DRC1: variants seen among roughly 807,000 people sequenced by gnomAD.
DRC1 encodes dynein regulatory complex subunit 1.
A neutral mutation model predicts 98.7 loss-of-function variants in DRC1; 74 were observed. That is an observed-to-expected ratio of 0.75 (90% CI 0.62 to 0.91). The LOEUF (loss-of-function observed/expected upper bound fraction) is 0.91. Among genes scored for constraint, DRC1 ranks in the 40% least tolerant of loss-of-function variants. The pLI, the probability that DRC1 is intolerant of heterozygous loss-of-function variation, is 0.00. For missense variants in DRC1, 875 were observed against 886.0 expected, an observed-to-expected ratio of 0.99 and a Z score of 0.16; for synonymous variants, 336 against 334.1, an observed-to-expected ratio of 1.01 and a Z score of -0.06.
At chr2:26,429,799 T>G in intron 5 of DRC1, 34 bp downstream of exon 5, 1 of 1,611,472 alleles carries the variant, frequency 6.2e-7, no homozygotes, top group Non-Finnish European at 8.5e-7. Flanking sequence ...GTTTCTGCTC[T>G]TGGAGGGCCC....
intron 1 of DRC1, among the ~76,000 whole-genome samples, chr2:26,410,830 C>CAA (rs1055657910): frequency 2.0e-5 from 3 of 151,740 alleles, no homozygotes; most frequent in African/African-American, 7.3e-5. Flanking sequence ...CAAAACACAA[C>CAA]AAAACAAAAC....
At chr2:26,417,735 A>T (rs1678857594) in intron 2 of DRC1, among the ~76,000 whole-genome samples, 1 of 152,126 alleles carries the variant, frequency 6.6e-6, no homozygotes, top group Admixed American at 6.6e-5. Flanking sequence ...AATCCATGGG[A>T]GGTATTCTTT....
At chr2:26,418,182 G>A (rs1252691304) in intron 2 of DRC1, among the ~76,000 whole-genome samples, 5 of 151,876 alleles carry the variant, frequency 3.3e-5, no homozygotes, top group Non-Finnish European at 7.4e-5. Flanking sequence ...AAAATTCCCC[G>A]TCCAAATGAC....
rs190254726 is a variant in DRC1 at position 26,454,595 on chromosome 2, G to C, written c.1920-52G>C. The stretch of plus-strand genomic sequence containing the variant: ...AGGCCTGTGACTGGCACTGCCTGGG[G>C]GCCTGGGTAGTACCCAATGGACATG... On this transcript the variant is annotated intron_variant, in intron 14 of 16. Transcript: ENST00000288710. The surrounding 1 kb of genome is among the most constrained non-coding windows in gnomAD (Gnocchi z 5.2). 2.5e-6 allele frequency: 4 copies of C among 1,603,622 alleles called. No individual in the cohort carries two copies. Among genetic ancestry groups the C allele is most frequent in the Middle Eastern group, 1.7e-4 (1 of 6,014 alleles).
At chr2:26,448,125 T>C (rs984157516) in intron 10 of DRC1, among the ~76,000 whole-genome samples, 1 of 149,538 alleles carries the variant, frequency 6.7e-6, no homozygotes, top group Non-Finnish European at 1.5e-5. Context: ...CTTGGGAGGC[T>C]GAGGGAGGAG....
chr2:26,429,832 C>T, intron 5 of DRC1, 67 bp downstream of exon 5: 1 of 1,545,074 alleles, frequency 6.5e-7, no homozygotes, highest in South Asian at 1.2e-5. Context: ...CTAGGTCTGT[C>T]CTAATAATCT....
In DRC1 at chr2:26,454,134, G is replaced by T. The variant is rs552099623; in HGVS notation, c.1920-513G>T. Reference sequence around the variant, plus strand: ...GTGCCCAAGATCTTTGTCTTTACCCGTTGGTGGGTGGGAGCCAGAAAAGGA... The same window carrying T: ...GTGCCCAAGATCTTTGTCTTTACCCTTTGGTGGGTGGGAGCCAGAAAAGGA... On this transcript the variant is annotated intron_variant, in intron 14 of 16. Transcript: ENST00000288710. This position sits in a 1 kb window ranked among gnomAD's most constrained non-coding sequence, Gnocchi z 5.2. 3.0e-4 allele frequency among the ~76,000 whole-genome samples: 45 copies of T among 152,144 alleles called. No homozygotes were observed. The highest frequency in any genetic ancestry group is 1.1e-3 in the African/African-American group (44 of 41,412).
At chr2:26,418,534 AATATATTATAAATT>A (rs1195551735) in intron 2 of DRC1, among the ~76,000 whole-genome samples, 2 of 111,300 alleles carry the variant, frequency 1.8e-5, no homozygotes, top group Non-Finnish European at 3.3e-5. Context: ...AATAATATAC[AATATATTATAAATT>A]ATATATAATT....
intron 2 of DRC1, among the ~76,000 whole-genome samples, chr2:26,419,715 C>T (rs10190921): frequency 0.11 from 17,185 of 152,076 alleles, 2,055 homozygotes; most frequent in African/African-American, 0.3. Flanking sequence ...TTGGAGAGTT[C>T]ATAAGTTCCA....
At chr2:26,434,898 A>AC (rs1431772815) in intron 7 of DRC1, among the ~76,000 whole-genome samples, 1 of 151,774 alleles carries the variant, frequency 6.6e-6, no homozygotes, top group Non-Finnish European at 1.5e-5. Flanking sequence ...CTCAAAAAAA[A>AC]AAAAAAAGAA....
Position 26,450,007 on chromosome 2 carries a change from A to C in DRC1, c.1521A>C (p.Ile507=), listed in dbSNP as rs1345927572. Residue 507 remains isoleucine (I), a synonymous_variant, in exon 12 of 17, where the codon ATA becomes ATC. Transcript: ENST00000288710. Reference sequence around the variant, plus strand: ...TTCCTTCTCCCCAGGGGTTCCTCATAGAGAGCAAGCTGCTGAGCCTTCTCC... The same window carrying C: ...TTCCTTCTCCCCAGGGGTTCCTCATCGAGAGCAAGCTGCTGAGCCTTCTCC... ...MLLCDESGFL[I]ESKLLSLLLP... is the part of the protein sequence containing the mutation. The C allele has an allele frequency of 1.9e-6, 3 of 1,613,630 alleles. No individual in the cohort carries two copies. In the African/African-American group the frequency reaches 4.0e-5, roughly 22 times the overall value.
Position 26,424,345 on chromosome 2 carries a change from G to T in DRC1, c.431G>T (p.Gly144Val), listed in dbSNP as rs1241367861. 6.2e-7 allele frequency: 1 copy of T among 1,613,904 alleles called. No individual in the cohort carries two copies. Among genetic ancestry groups the T allele is most frequent in the Non-Finnish European group, 8.5e-7 (1 of 1,179,998 alleles). The change falls in exon 4 of 17, where the codon GGC becomes GTC. Residue 144 changes from glycine to valine, a missense_variant. Coordinates refer to ENST00000288710, the MANE Select transcript of DRC1 (RefSeq NM_145038.5). ...GAAATCACCTCAAAGTGGGAAGAGG[G>T]CAAGCAGAAGAGAATTCCCCAAGAG... Reference protein sequence around the residue: ...FDEITSKWEEGKQKRIPQELW... With the variant: ...FDEITSKWEEVKQKRIPQELW...
intron 8 of DRC1, 76 bp downstream of exon 8, chr2:26,440,593 T>C (rs780519396): frequency 1.1e-5 from 16 of 1,467,562 alleles, no homozygotes; most frequent in Admixed American, 2.4e-5. Flanking sequence ...CTTTTTTCTA[T>C]TGAAGGGGTA....
At chr2:26,414,542 G>T in intron 2 of DRC1, 111 bp downstream of exon 2, 1 of 951,816 alleles carries the variant, frequency 1.1e-6, no homozygotes, top group Non-Finnish European at 1.6e-6. Context: ...CTGTCTCTAG[G>T]CAGAACTGAA....
rs1047363726 is a variant in DRC1, at chr2:26,454,972, C to A, written c.2064-159C>A. Among the ~76,000 whole-genome samples the A allele has an allele frequency of 2.0e-5, 3 of 152,144 alleles. No homozygotes were observed. Among genetic ancestry groups the A allele is most frequent in the African/African-American group, 7.2e-5 (3 of 41,418 alleles). The stretch of plus-strand genomic sequence containing the variant: ...GCTCTTGGGCCCTGGCCTGCCTGTT[C>A]TGTTCCTGCTAACCTGGCTCACCTG... On this transcript the variant is annotated intron_variant, in intron 15 of 16. Coordinates refer to ENST00000288710, the MANE Select transcript of DRC1 (RefSeq NM_145038.5). This position sits in a 1 kb window ranked among gnomAD's most constrained non-coding sequence, Gnocchi z 5.2.
In DRC1 at chr2:26,454,544, G is replaced by C; in HGVS notation, c.1920-103G>C. ...GTCTAATAAACTTGGACTGCTGAGTGGGAAGGTGACAGGTGGGAAAGCAGT... is the reference window on the plus strand; with the variant it reads ...GTCTAATAAACTTGGACTGCTGAGTCGGAAGGTGACAGGTGGGAAAGCAGT... On this transcript the variant is annotated intron_variant, in intron 14 of 16. Coordinates refer to ENST00000288710, the MANE Select transcript of DRC1 (RefSeq NM_145038.5). The surrounding 1 kb of genome is among the most constrained non-coding windows in gnomAD (Gnocchi z 5.2). The C allele has an allele frequency of 6.6e-7, 1 of 1,506,776 alleles. No individual in the cohort carries two copies. Among genetic ancestry groups the C allele is most frequent in the Non-Finnish European group, 9.0e-7 (1 of 1,109,492 alleles). The allele number at this position is 1,506,776 out of a possible 1,614,324, so 93.3% of individuals were successfully genotyped here. A position where few individuals can be genotyped will look rare whatever the true frequency, so the allele number is the denominator to read the frequency against.
At chr2:26,404,126 A>G (rs1368852477) in intron 1 of DRC1, among the ~76,000 whole-genome samples, 1 of 152,010 alleles carries the variant, frequency 6.6e-6, no homozygotes, top group African/African-American at 2.4e-5. Context: ...AAAAATCATT[A>G]TTTGCCTGGA....
intron 1 of DRC1, among the ~76,000 whole-genome samples, chr2:26,409,092 C>T (rs1385081254): frequency 5.9e-5 from 9 of 151,504 alleles, no homozygotes; most frequent in Middle Eastern, 6.8e-3. Context: ...CCACCATGCC[C>T]GGCTAATTTT....
chr2:26,415,389 A>C (rs1269850882), intron 2 of DRC1, among the ~76,000 whole-genome samples: 1 of 152,220 alleles, frequency 6.6e-6, no homozygotes, highest in East Asian at 1.9e-4. Context: ...TGTCTTAGAA[A>C]TATAGGTGGG....
Sources: allele counts gnomAD v4.1 joint callset (sites outside exome capture counted in the v4.1 genomes callset), GRCh38; gene constraint gnomAD v4.1.1; non-coding constraint Gnocchi (gnomAD v3.1); transcripts MANE v1.5; gene names NCBI Gene and HGNC (gene_info 2026-07-23, HGNC 2026-07-21).